NPAS3: variants seen among roughly 807,000 people sequenced by gnomAD.
The protein encoded by NPAS3 is neuronal PAS domain-containing protein 3.
A neutral mutation model predicts 73.1 loss-of-function variants in NPAS3; 14 were observed. The observed-to-expected ratio is 0.19, with a 90% CI of 0.13 to 0.30. NPAS3 has a LOEUF of 0.30. Ranked by LOEUF, NPAS3 falls within the 10% of genes least tolerant of loss-of-function variation. The pLI, the probability that NPAS3 is intolerant of heterozygous loss-of-function variation, is 1.00. For missense variants in NPAS3, 1,096 were observed against 1,250.0 expected (o/e 0.88, Z 1.86); for synonymous variants, 620 against 541.5 (o/e 1.14, Z -2.01).
chr14:33,567,411 A>G (rs937779763), intron 5 of NPAS3, among the ~76,000 whole-genome samples: 47 of 152,310 alleles, frequency 3.1e-4, no homozygotes, highest in African/African-American at 1.0e-3. Flanking sequence ...TCGAACATAT[A>G]AAGAGATCAC....
intron 4 of NPAS3, 52 bp downstream of exon 4, chr14:33,367,320 T>C (rs1215928232): frequency 1.3e-6 from 1 of 782,950 alleles, no homozygotes; most frequent in Non-Finnish European, 2.2e-6. Context: ...GAAAAAACCA[T>C]ATGTTTAGTC....
intron 9 of NPAS3, among the ~76,000 whole-genome samples, chr14:33,784,622 CTTTGA>C (rs1443906041): frequency 6.6e-6 from 1 of 151,882 alleles, no homozygotes; most frequent in Non-Finnish European, 1.5e-5. Flanking sequence ...CAAGCCAGAA[CTTTGA>C]TTTGACTGAC....
chr14:33,658,413 T>TTCTG (rs1239506143), intron 5 of NPAS3, among the ~76,000 whole-genome samples: 1 of 152,246 alleles, frequency 6.6e-6, no homozygotes, highest in Non-Finnish European at 1.5e-5. Flanking sequence ...TATCTTTTTC[T>TTCTG]TCTGTTTTGA....
chr14:33,496,704 A>G (rs991703472), intron 4 of NPAS3, among the ~76,000 whole-genome samples: 2 of 152,184 alleles, frequency 1.3e-5, no homozygotes, highest in East Asian at 3.9e-4. Context: ...GTATCTCAAA[A>G]TAATAAGAGC....
chr14:33,238,746 T>A (rs2048121423), intron 3 of NPAS3, among the ~76,000 whole-genome samples: 1 of 151,952 alleles, frequency 6.6e-6, no homozygotes, highest in Non-Finnish European at 1.5e-5. Flanking sequence ...GTTCTTCCCA[T>A]TTGTGGTAGT....
chr14:33,156,764 T>C (rs894290954), intron 2 of NPAS3, among the ~76,000 whole-genome samples: 3 of 152,218 alleles, frequency 2.0e-5, no homozygotes, highest in Non-Finnish European at 2.9e-5. Context: ...AGTGGCCTTT[T>C]AATTCTTCTC....
chr14:33,513,780 T>A (rs2053171246), intron 4 of NPAS3, among the ~76,000 whole-genome samples: 1 of 152,044 alleles, frequency 6.6e-6, no homozygotes, highest in African/African-American at 2.4e-5. Context: ...GCAGAGTTTT[T>A]TTGACAAAGA....
chr14:33,659,625 G>A (rs947072562), intron 5 of NPAS3, among the ~76,000 whole-genome samples: 2 of 152,058 alleles, frequency 1.3e-5, no homozygotes, highest in Non-Finnish European at 2.9e-5. Flanking sequence ...AATAATAATT[G>A]TATACAGTCA....
chr14:33,301,321 TA>T (rs201757782), intron 3 of NPAS3, among the ~76,000 whole-genome samples: 2,296 of 93,106 alleles, frequency 0.025, 237 homozygotes, highest in Admixed American at 0.066. Context: ...TATATATATA[TA>T]TTTTTTTTTT....
intron 5 of NPAS3, among the ~76,000 whole-genome samples, chr14:33,584,423 T>C (rs186510991): frequency 4.5e-4 from 63 of 138,944 alleles, no homozygotes; most frequent in Non-Finnish European, 7.7e-4. Flanking sequence ...GGGGGATCAA[T>C]AGAGATGAGA....
intron 1 of NPAS3, among the ~76,000 whole-genome samples, chr14:32,996,618 G>A (rs112058477): frequency 0.037 from 5,579 of 151,916 alleles, 355 homozygotes; most frequent in African/African-American, 0.13. Context: ...CTCAGGCCAT[G>A]GCTTCAGAGG....
intron 4 of NPAS3, among the ~76,000 whole-genome samples, chr14:33,440,444 G>A (rs757168621): frequency 6.6e-6 from 1 of 152,164 alleles, no homozygotes; most frequent in Non-Finnish European, 1.5e-5. Flanking sequence ...GCCACAGAAG[G>A]TATTGACCAA....
intron 3 of NPAS3, among the ~76,000 whole-genome samples, chr14:33,310,767 A>G (rs1216947254): frequency 6.7e-6 from 1 of 149,314 alleles, no homozygotes. Flanking sequence ...GTTGACTGAA[A>G]TTCAGTAGAA....
At chr14:33,122,554 T>G (rs8007241) in intron 2 of NPAS3, among the ~76,000 whole-genome samples, 47,309 of 152,088 alleles carry the variant, frequency 0.31, 8,731 homozygotes, top group Admixed American at 0.53. Flanking sequence ...CTGCTAATAC[T>G]ATTATCAGTG....
At chr14:33,021,624 T>G (rs2039599451) in intron 1 of NPAS3, among the ~76,000 whole-genome samples, 1 of 152,100 alleles carries the variant, frequency 6.6e-6, no homozygotes, top group Non-Finnish European at 1.5e-5. Flanking sequence ...TCCCACCTAT[T>G]TTTCAAAGCA....
chr14:33,155,635 T>A (rs571893373), intron 2 of NPAS3, among the ~76,000 whole-genome samples: 53 of 152,300 alleles, frequency 3.5e-4, no homozygotes, highest in African/African-American at 1.1e-3. Flanking sequence ...AGAGCCAAGT[T>A]TCCTTAGCAG....
chr14:33,183,476 AT>A (rs2045879219), intron 2 of NPAS3, among the ~76,000 whole-genome samples: 1 of 64,022 alleles, frequency 1.6e-5, no homozygotes, highest in African/African-American at 7.2e-5. Context: ...CTGTTCTTGG[AT>A]TTTTCATGTC....
At chr14:33,379,452 T>A (rs1014547514) in intron 4 of NPAS3, among the ~76,000 whole-genome samples, 4 of 152,222 alleles carry the variant, frequency 2.6e-5, no homozygotes, top group South Asian at 2.1e-4. Context: ...TGTGTAAATA[T>A]CTGCAAATCT....
intron 3 of NPAS3, among the ~76,000 whole-genome samples, chr14:33,334,191 T>C (rs1330854898): frequency 1.3e-5 from 2 of 152,198 alleles, no homozygotes; most frequent in Non-Finnish European, 2.9e-5. Context: ...TAGTGTTTTA[T>C]TATGACCTCT....
Sources: allele counts gnomAD v4.1 joint callset (sites outside exome capture counted in the v4.1 genomes callset), GRCh38; gene constraint gnomAD v4.1.1; transcripts MANE v1.5; gene names NCBI Gene and HGNC (gene_info 2026-07-23, HGNC 2026-07-21).